Variants in LURAP1L observed in about 807,000 individuals in gnomAD.
LURAP1L encodes the protein leucine rich adaptor protein 1-like.
In LURAP1L, 12 loss-of-function variants were observed where a neutral mutation model predicts 13.8. The observed-to-expected ratio is 0.87, with a 90% CI of 0.56 to 1.41. The LOEUF (loss-of-function observed/expected upper bound fraction) is 1.41, where lower values mean the gene tolerates loss of function less well. LURAP1L is among the 40% of genes most tolerant of loss of function. The probability of loss-of-function intolerance (pLI) is 0.00; values close to 1 mark genes in which losing one functional copy is unlikely to be tolerated. For missense variants in LURAP1L, 375 were observed against 292.9 expected (o/e 1.28, Z -2.04); for synonymous variants, 139 against 119.2 (o/e 1.17, Z -1.08).
At chr9:12,784,005 C>T (rs1270572517) in intron 1 of LURAP1L, among the ~76,000 whole-genome samples, 1 of 152,032 alleles carries the variant, frequency 6.6e-6, no homozygotes, top group Non-Finnish European at 1.5e-5. Context: ...AATTGTTTAG[C>T]TCCAGAATTT....
At chr9:12,799,607 G>A (rs1345829810) in intron 1 of LURAP1L, among the ~76,000 whole-genome samples, 1 of 152,140 alleles carries the variant, frequency 6.6e-6, no homozygotes, top group Non-Finnish European at 1.5e-5. Flanking sequence ...TAGGCCGGGT[G>A]TGGTGGCTCA....
chr9:12,779,476 G>A (rs772812324), intron 1 of LURAP1L, among the ~76,000 whole-genome samples: 3 of 151,880 alleles, frequency 2.0e-5, no homozygotes, highest in Non-Finnish European at 4.4e-5. Flanking sequence ...GGGTTTCACC[G>A]TGTTAGCTAG....
chr9:12,790,602 G>A (rs1003264822), intron 1 of LURAP1L: 1 of 151,996 alleles, frequency 6.6e-6, no homozygotes, highest in Admixed American at 6.6e-5. Flanking sequence ...GAAAATAAAA[G>A]AAAAGGAGAT....
intron 1 of LURAP1L, among the ~76,000 whole-genome samples, chr9:12,778,715 T>A (rs1424974166): frequency 6.6e-6 from 1 of 152,230 alleles, no homozygotes; most frequent in Non-Finnish European, 1.5e-5. Context: ...TCAGTTCAAC[T>A]GGAAATCTTG....
intron 1 of LURAP1L, among the ~76,000 whole-genome samples, chr9:12,809,441 A>G (rs933928246): frequency 1.3e-5 from 2 of 152,164 alleles, no homozygotes; most frequent in African/African-American, 2.4e-5. Flanking sequence ...TATTTATGTT[A>G]CAGTGTTTTT....
At chr9:12,789,036 C>G (rs1391416702) in intron 1 of LURAP1L, among the ~76,000 whole-genome samples, 3 of 150,512 alleles carry the variant, frequency 2.0e-5, no homozygotes, top group African/African-American at 7.4e-5. Context: ...CACTGCATTC[C>G]AGGTTAGATG....
chr9:12,775,984 T>G lies in LURAP1L; in HGVS notation c.269T>G (p.Leu90Arg), dbSNP rs755731741. 1 of 1,608,468 alleles carries G rather than the reference T, an allele frequency of 6.2e-7. No individual in the cohort carries two copies. Among genetic ancestry groups the G allele is most frequent in the Non-Finnish European group, 8.5e-7 (1 of 1,177,780 alleles). ...GSPRGSHSSA[L>R]ERLETKLHLL... ...CCACGAGGTAGCCACTCTAGCGCCC[T>G]GGAGAGGCTAGAAACCAAGCTTCAC... Residue 90 changes from leucine (L) to arginine (R), a missense_variant, in exon 1 of 2, where the codon CTG (leucine) becomes CGG (arginine). Leu to Arg is a moderately radical substitution (Grantham distance 102, BLOSUM62 -2). Coordinates refer to ENST00000319264, the MANE Select transcript of LURAP1L (RefSeq NM_203403.2).
intron 1 of LURAP1L, among the ~76,000 whole-genome samples, chr9:12,806,608 A>G (rs13289069): frequency 0.15 from 22,141 of 152,150 alleles, 1,942 homozygotes; most frequent in East Asian, 0.31. Flanking sequence ...CAAATGTTGG[A>G]TAATTGTCTA....
At chr9:12,776,514 C>T (rs555554974) in intron 1 of LURAP1L, among the ~76,000 whole-genome samples, 1 of 152,152 alleles carries the variant, frequency 6.6e-6, no homozygotes, top group South Asian at 2.1e-4. Context: ...CCTCCTAGCT[C>T]ACCCTTCCAC....
chr9:12,811,921 G>A (rs1003493188), intron 1 of LURAP1L, among the ~76,000 whole-genome samples: 1 of 152,140 alleles, frequency 6.6e-6, no homozygotes, highest in Non-Finnish European at 1.5e-5. Context: ...ATCCAGGGAG[G>A]ATCCACTTCC....
rs933520500 is a variant in LURAP1L at position 12,775,293 on chromosome 9, G to T, written c.-423G>T. The T allele has an allele frequency of 4.3e-5, 7 of 161,310 alleles. No homozygotes were observed. The highest frequency in any genetic ancestry group is 8.0e-5 in the Non-Finnish European group (6 of 74,820). The allele number at this position is 161,310 out of a possible 1,614,324, so 10.0% of individuals were successfully genotyped here. A position where few individuals can be genotyped will look rare whatever the true frequency, so the allele number is the denominator to read the frequency against. Reference sequence around the variant, plus strand: ...ACCAGATGGGCAGTCAGTGAGCGGCGCAGGGATGTGAACGGACGGTTTTAT... The same window carrying T: ...ACCAGATGGGCAGTCAGTGAGCGGCTCAGGGATGTGAACGGACGGTTTTAT... On this transcript the variant is annotated 5_prime_UTR_variant, in exon 1 of 2. Transcript: ENST00000319264.
chr9:12,781,867 T>G (rs933305368), intron 1 of LURAP1L, among the ~76,000 whole-genome samples: 2 of 152,204 alleles, frequency 1.3e-5, no homozygotes, highest in African/African-American at 2.4e-5. Context: ...TAATGTACAT[T>G]CCCACCAACA....
intron 1 of LURAP1L, among the ~76,000 whole-genome samples, chr9:12,806,616 C>CT (rs1376587696): frequency 6.6e-6 from 1 of 151,956 alleles, no homozygotes; most frequent in African/African-American, 2.4e-5. Context: ...GGATAATTGT[C>CT]TAAAACAATT....
chr9:12,779,330 A>G (rs1287096463), intron 1 of LURAP1L, among the ~76,000 whole-genome samples: 1 of 127,756 alleles, frequency 7.8e-6, no homozygotes, highest in Non-Finnish European at 1.5e-5. Context: ...GCTGGAATGC[A>G]GTGGAGCGAT....
At chr9:12,802,763 C>T (rs1819604188) in intron 1 of LURAP1L, among the ~76,000 whole-genome samples, 3 of 152,144 alleles carry the variant, frequency 2.0e-5, no homozygotes, top group South Asian at 2.1e-4. Flanking sequence ...CGGCATCTCT[C>T]GGGGTTATCT....
rs1400370827 is a variant in LURAP1L, at chr9:12,792,617, G to C, written c.312+16590G>C. On this transcript the variant is annotated intron_variant, in intron 1 of 1. Coordinates refer to ENST00000319264, the MANE Select transcript of LURAP1L (RefSeq NM_203403.2). Reference sequence around the variant, plus strand: ...ATAGTTGCTTTGTCAAGGAAGTGAAGAATCAAACTATGCTATCACTATTAT... The same window carrying C: ...ATAGTTGCTTTGTCAAGGAAGTGAACAATCAAACTATGCTATCACTATTAT... Among the ~76,000 whole-genome samples the C allele has an allele frequency of 3.9e-5, 6 of 152,050 alleles. No individual in the cohort carries two copies. The East Asian group carries it at 9.7e-4, about 24-fold the overall frequency.
chr9:12,819,152 T>A (rs1171198438), intron 1 of LURAP1L, among the ~76,000 whole-genome samples: 1 of 152,188 alleles, frequency 6.6e-6, no homozygotes, highest in Non-Finnish European at 1.5e-5. Context: ...TAAGTTCACA[T>A]CCTTCTGTTC....
rs1208038470 is a variant in LURAP1L, at chr9:12,805,583, C to CA, written c.313-15797dup. Among the ~76,000 whole-genome samples the CA allele has an allele frequency of 4.6e-5, 7 of 151,882 alleles. No individual in the cohort carries two copies. The East Asian group carries it at 1.2e-3, about 25-fold the overall frequency. On this transcript the variant is annotated intron_variant, in intron 1 of 1. Transcript: ENST00000319264. Reference sequence around the variant, plus strand: ...GGATTTAAGCAGACAAATAGACACACAAAAAATATGGAACAACTAACCATA... The same window carrying CA: ...GGATTTAAGCAGACAAATAGACACACAAAAAAATATGGAACAACTAACCATA...
chr9:12,821,666 A>G lies in LURAP1L; in HGVS notation c.593A>G (p.Asp198Gly). The stretch of plus-strand genomic sequence containing the variant: ...GTCCCAGGCCATCAGACCCCTTCAG[A>G]CTTGGACCAATTCAGTGACAGCTCC... ...DDVPGHQTPS[D>G]LDQFSDSSLI... is the part of the protein sequence containing the mutation. Residue 198 changes from aspartate to glycine, a missense_variant, in exon 2 of 2, where the codon GAC (aspartate) becomes GGC (glycine). Asp to Gly is a moderately conservative substitution (Grantham distance 94). Transcript: ENST00000319264. The G allele has an allele frequency of 6.2e-7, 1 of 1,614,140 alleles. No homozygotes were observed. The highest frequency in any genetic ancestry group is 2.2e-5 in the East Asian group (1 of 44,874).
Sources: gnomAD v4.1 joint callset for allele counts (sites outside exome capture counted in the v4.1 genomes callset) on GRCh38, gnomAD v4.1.1 for gene constraint, MANE v1.5 for transcripts, NCBI Gene and HGNC (gene_info 2026-07-23, HGNC 2026-07-21) for gene names.